ERC1: variants seen among roughly 807,000 people sequenced by gnomAD.
The protein encoded by ERC1 is ELKS/RAB6-interacting/CAST family member 1.
A neutral mutation model predicts 132.0 loss-of-function variants in ERC1; 56 were observed. The ratio of observed to expected loss-of-function variants is 0.42; its 90% CI spans 0.34 to 0.53. ERC1 has a LOEUF of 0.53. ERC1 is among the 20% of genes least tolerant of loss of function. The pLI is 0.03. For synonymous variants in ERC1, 478 were observed against 476.1 expected (o/e 1.00, Z -0.05); for missense variants, 1,202 against 1,349.9 (o/e 0.89, Z 1.72).
chr12:1,271,291 T>A (rs1466278833), intron 14 of ERC1, among the ~76,000 whole-genome samples: 1 of 152,048 alleles, frequency 6.6e-6, no homozygotes, highest in Non-Finnish European at 1.5e-5. Flanking sequence ...ACAGTGACAG[T>A]GGAGATAAAG....
chr12:1,373,309 T>C (rs2087467465), intron 16 of ERC1, among the ~76,000 whole-genome samples: 1 of 152,226 alleles, frequency 6.6e-6, no homozygotes, highest in African/African-American at 2.4e-5. Context: ...TATTCAGCAA[T>C]ATCACTTATC....
At chr12:1,062,834 G>T (rs1450170943) in intron 2 of ERC1, among the ~76,000 whole-genome samples, 1 of 152,088 alleles carries the variant, frequency 6.6e-6, no homozygotes, top group African/African-American at 2.4e-5. Context: ...TTCTTATATT[G>T]GGATCTATGT....
At chr12:1,372,521 G>T (rs541948504) in intron 16 of ERC1, among the ~76,000 whole-genome samples, 90 of 152,316 alleles carry the variant, frequency 5.9e-4, no homozygotes, top group African/African-American at 2.1e-3. Context: ...CAGTATGAAT[G>T]TACCTAATAC....
chr12:1,339,813 T>C (rs1379519092), intron 15 of ERC1, among the ~76,000 whole-genome samples: 3 of 152,140 alleles, frequency 2.0e-5, no homozygotes, highest in African/African-American at 7.2e-5. Context: ...CTGTCCTCTG[T>C]GCCTGGTTTC....
At chr12:1,178,708 A>G (rs963154307) in intron 8 of ERC1, among the ~76,000 whole-genome samples, 6 of 152,208 alleles carry the variant, frequency 3.9e-5, no homozygotes, top group African/African-American at 1.4e-4. Context: ...TAGTTCTAGT[A>G]TCAGCTCAAG....
Position 1,115,958 on chromosome 12 carries a change from T to C in ERC1, c.1494T>C (p.Asp498=). The C allele has an allele frequency of 6.2e-7, 1 of 1,614,166 alleles. No homozygotes were observed. Among genetic ancestry groups the C allele is most frequent in the Non-Finnish European group, 8.5e-7 (1 of 1,180,000 alleles). Residue 498 remains aspartate (D), a synonymous_variant, in exon 7 of 19, where the codon GAT becomes GAC. Transcript: ENST00000360905. ...KLETLTNQFS[D]SKQHIEVLKE... ...AAACACTCACAAACCAGTTCTCAGATAGTAAACAGCACATTGAAGTGTTGA... is the reference window on the plus strand; with the variant it reads ...AAACACTCACAAACCAGTTCTCAGACAGTAAACAGCACATTGAAGTGTTGA...
intron 17 of ERC1, among the ~76,000 whole-genome samples, chr12:1,423,266 C>G (rs1302635490): frequency 6.6e-6 from 1 of 152,214 alleles, no homozygotes; most frequent in Non-Finnish European, 1.5e-5. Context: ...CTTGCTTCTG[C>G]TTTCACCTTA....
chr12:1,180,776 A>G (rs1954361600), intron 9 of ERC1, 99 bp downstream of exon 9: 1 of 1,423,978 alleles, frequency 7.0e-7, no homozygotes, highest in Non-Finnish European at 9.6e-7. Context: ...GGCACAAGGG[A>G]AAAGAGCTGC....
chr12:1,470,593 G>A (rs531446837), intron 18 of ERC1, among the ~76,000 whole-genome samples: 40 of 152,170 alleles, frequency 2.6e-4, no homozygotes, highest in African/African-American at 9.4e-4. Flanking sequence ...CTTTGGTAAG[G>A]AGGGAAATTT....
intron 15 of ERC1, among the ~76,000 whole-genome samples, chr12:1,340,321 G>C (rs2083711118): frequency 6.6e-6 from 1 of 152,076 alleles, no homozygotes; most frequent in Admixed American, 6.5e-5. Context: ...TGGGGCTAAA[G>C]TCTCCTATGG....
chr12:1,434,954 G>A (rs924453142), intron 17 of ERC1, among the ~76,000 whole-genome samples: 1 of 152,212 alleles, frequency 6.6e-6, no homozygotes, highest in Admixed American at 6.5e-5. Context: ...TCGAGAGAGA[G>A]AGAATAATTC....
chr12:1,485,438 T>C (rs1043727348), intron 18 of ERC1, among the ~76,000 whole-genome samples: 13 of 151,622 alleles, frequency 8.6e-5, no homozygotes, highest in African/African-American at 2.4e-4. Context: ...CTCCTGACCT[T>C]GTGATCTGCC....
intron 13 of ERC1, among the ~76,000 whole-genome samples, chr12:1,262,574 T>C (rs1482932705): frequency 6.6e-6 from 1 of 152,244 alleles, no homozygotes; most frequent in Non-Finnish European, 1.5e-5. Flanking sequence ...CAATTGTCTA[T>C]GAAGAATATC....
Position 1,493,110 on chromosome 12 carries a change from T to C in ERC1, c.*2880T>C, listed in dbSNP as rs1046841067. On this transcript the variant is annotated 3_prime_UTR_variant, in exon 19 of 19. Coordinates refer to ENST00000360905, the MANE Select transcript of ERC1 (RefSeq NM_178040.4). ...GGGTTTTGTAACTGAAGAAGCCCAG[T>C]GTGAGCTTCTCATCTTTTCATATAC... is the stretch of plus-strand genomic sequence containing the variant. 7 of 217,976 alleles carry C rather than the reference T, an allele frequency of 3.2e-5. No homozygotes were observed. Among genetic ancestry groups the C allele is most frequent in the Admixed American group, 1.7e-4 (3 of 17,212 alleles). The allele number at this position is 217,976 out of a possible 1,614,324, so 13.5% of individuals were successfully genotyped here.
At chr12:1,300,882 A>T (rs1277279286) in intron 15 of ERC1, among the ~76,000 whole-genome samples, 1 of 152,180 alleles carries the variant, frequency 6.6e-6, no homozygotes, top group African/African-American at 2.4e-5. Context: ...ATTGTGGAAG[A>T]TGATGTGGCG....
chr12:1,018,176 A>G (rs1260085106), intron 1 of ERC1, among the ~76,000 whole-genome samples: 1 of 152,134 alleles, frequency 6.6e-6, no homozygotes, highest in Non-Finnish European at 1.5e-5. Context: ...ACATGTACAG[A>G]AGGAGGTTGT....
At chr12:1,084,159 G>C (rs1430203661) in intron 3 of ERC1, among the ~76,000 whole-genome samples, 2 of 152,122 alleles carry the variant, frequency 1.3e-5, no homozygotes, top group Non-Finnish European at 2.9e-5. Context: ...AGCTGACCTA[G>C]GTGACTACTG....
chr12:1,179,809 A>G (rs560113363), intron 8 of ERC1, among the ~76,000 whole-genome samples: 44 of 152,154 alleles, frequency 2.9e-4, no homozygotes, highest in African/African-American at 9.4e-4. Context: ...GCCCGGCCTC[A>G]TTTTTCTTCA....
chr12:1,032,564 T>C (rs1207884994), intron 2 of ERC1, among the ~76,000 whole-genome samples: 4 of 152,148 alleles, frequency 2.6e-5, no homozygotes, highest in African/African-American at 9.7e-5. Flanking sequence ...GGATGGGGCA[T>C]GTGTAGGGGA....
Sources: allele counts gnomAD v4.1 joint callset (sites outside exome capture counted in the v4.1 genomes callset), GRCh38; gene constraint gnomAD v4.1.1; transcripts MANE v1.5; gene names NCBI Gene and HGNC (gene_info 2026-07-23, HGNC 2026-07-21).